The following BTNL9 variants were observed in gnomAD, a reference collection of about 807,000 sequenced individuals.
The protein encoded by BTNL9 is butyrophilin like 9, also known as butyrophilin-like protein 9.
BTNL9 carries 45 observed loss-of-function variants against 45.8 expected under a neutral mutation model. That is an observed-to-expected ratio of 0.98 (90% confidence interval 0.77 to 1.26). The LOEUF (loss-of-function observed/expected upper bound fraction) is 1.26, where lower values mean the gene tolerates loss of function less well. BTNL9 is among the 50% of genes most tolerant of loss of function. The pLI is 0.00. For synonymous variants in BTNL9, 346 were observed against 330.8 expected, an observed-to-expected ratio of 1.05 and a Z score of -0.50; for missense variants, 784 against 729.7, an observed-to-expected ratio of 1.07 and a Z score of -0.86.
chr5:181,055,310 A>G lies in BTNL9; in HGVS notation c.908-123A>G. 6.4e-7 allele frequency: 1 copy of G among 1,570,710 alleles called. No individual in the cohort carries two copies. ...GGGGCAAAGAGGAAGCTGTAAAAAA[A>G]AAAAAATGAAGCTGTGATTAGCAGT... is the stretch of plus-strand genomic sequence containing the variant. On this transcript the variant is annotated intron_variant, in intron 7 of 10. Transcript: ENST00000327705. This position sits in a 1 kb window ranked among gnomAD's most constrained non-coding sequence, Gnocchi z 4.4.
chr5:181,054,128 T>G, intron 6 of BTNL9, 111 bp from the exon 7 acceptor site: 2 of 1,564,958 alleles, frequency 1.3e-6, no homozygotes, highest in South Asian at 2.3e-5. Context: ...CGGGTGGGAG[T>G]GCCGCATCGG....
At chr5:181,048,801 TTATA>T (rs869116493) in intron 3 of BTNL9, among the ~76,000 whole-genome samples, 4 of 34,956 alleles carry the variant, frequency 1.1e-4, no homozygotes, top group Admixed American at 2.7e-4. Flanking sequence ...TAGTTATATA[TTATA>T]TAATTATATT....
In BTNL9 at chr5:181,053,775, A is replaced by T; in HGVS notation, c.886+274A>T. 2 of 1,522,946 alleles carry T rather than the reference A, an allele frequency of 1.3e-6. No individual in the cohort carries two copies. The highest frequency in any genetic ancestry group is 2.4e-5 in the South Asian group (2 of 82,454). The allele number at this position is 1,522,946 out of a possible 1,614,324, so 94.3% of individuals were successfully genotyped here. A position where few individuals can be genotyped will look rare whatever the true frequency, so the allele number is the denominator to read the frequency against. ...CGTTACGCCCTCGGAGCTTCACATCACACTGTACAGAGGGAGCGGTGACCA... is the reference window on the plus strand; with the variant it reads ...CGTTACGCCCTCGGAGCTTCACATCTCACTGTACAGAGGGAGCGGTGACCA... On this transcript the variant is annotated intron_variant, in intron 6 of 10. Transcript: ENST00000327705. This position sits in a 1 kb window ranked among gnomAD's most constrained non-coding sequence, Gnocchi z 6.5.
chr5:181,057,675 C>A (rs1761952241), intron 9 of BTNL9, among the ~76,000 whole-genome samples: 1 of 152,166 alleles, frequency 6.6e-6, no homozygotes, highest in African/African-American at 2.4e-5. Flanking sequence ...CATAGGATTA[C>A]TTTGAACTTA....
At chr5:181,045,675 T>C (rs1761074453) in intron 2 of BTNL9, 77 bp downstream of exon 2, 1 of 1,174,804 alleles carries the variant, frequency 8.5e-7, no homozygotes, top group Middle Eastern at 1.9e-4. Flanking sequence ...GCTACGATCT[T>C]AGCACAGTAC....
In BTNL9 at chr5:181,047,985, G is replaced by A. The variant is rs559133633; in HGVS notation, c.168G>A (p.Glu56=). 5.6e-6 allele frequency: 9 copies of A among 1,613,894 alleles called. No homozygotes were observed. In the South Asian group the frequency reaches 9.9e-5, roughly 18 times the overall value. Residue 56 remains glutamate (E), a synonymous_variant, in exon 3 of 11, where the codon GAG becomes GAA. Transcript: ENST00000327705. ...PILALVGEEV[E]FPCHLWPQLD... ...TGGCCCTCGTCGGGGAGGAGGTGGA[G>A]TTCCCGTGCCACCTATGGCCACAGC...
intron 9 of BTNL9, chr5:181,056,705 T>C: frequency 1.5e-6 from 1 of 687,892 alleles, no homozygotes; most frequent in Non-Finnish European, 2.7e-6. Context: ...GGTGGGTATG[T>C]CCACTAAGGG....
At chr5:181,054,787 A>G (rs1361549687) in intron 7 of BTNL9, 19 of 985,286 alleles carry the variant, frequency 1.9e-5, no homozygotes, top group African/African-American at 3.5e-5. Flanking sequence ...AGGTTGGGAA[A>G]GCTTGTCTGG....
intron 3 of BTNL9, among the ~76,000 whole-genome samples, chr5:181,049,502 T>C (rs1361685573): frequency 2.6e-5 from 4 of 152,148 alleles, no homozygotes; most frequent in Non-Finnish European, 4.4e-5. Flanking sequence ...AGGAGAAACA[T>C]TGCAAAAGGG....
At chr5:181,054,840 C>G in intron 7 of BTNL9, 1 of 985,386 alleles carries the variant, frequency 1.0e-6, no homozygotes, top group Non-Finnish European at 1.2e-6. Flanking sequence ...AAACATAGCC[C>G]TAATAAGTCA....
intron 2 of BTNL9, chr5:181,047,533 T>C: frequency 1.0e-6 from 1 of 987,578 alleles, no homozygotes; most frequent in Non-Finnish European, 1.2e-6. Flanking sequence ...TCTCTGCACA[T>C]TTATGCAAAT....
intron 3 of BTNL9, among the ~76,000 whole-genome samples, 189 bp from the exon 4 acceptor site, chr5:181,049,899 A>T (rs1761438611): frequency 6.6e-6 from 1 of 152,212 alleles, no homozygotes; most frequent in South Asian, 2.1e-4. Flanking sequence ...TACTGTCCCC[A>T]CATGCTACCA....
intron 10 of BTNL9, 41 bp downstream of exon 10, chr5:181,058,419 C>G (rs559055627): frequency 1.4e-5 from 22 of 1,613,682 alleles, no homozygotes; most frequent in Non-Finnish European, 1.6e-5. Context: ...TTGGTTTGGC[C>G]GGATCTTAAA....
chr5:181,043,206 G>C (rs1435924737), intron 1 of BTNL9, among the ~76,000 whole-genome samples: 1 of 151,598 alleles, frequency 6.6e-6, no homozygotes, highest in African/African-American at 2.4e-5. Context: ...GTATGTGTCT[G>C]TGTGTGTGCA....
At chr5:181,048,633 G>C (rs1031264853) in intron 3 of BTNL9, among the ~76,000 whole-genome samples, 3 of 150,618 alleles carry the variant, frequency 2.0e-5, no homozygotes, top group Non-Finnish European at 2.9e-5. Context: ...AGCTACTCAG[G>C]GGGGTGAGGT....
intron 6 of BTNL9, chr5:181,054,009 G>A (rs1467060667): frequency 6.5e-7 from 1 of 1,539,364 alleles, no homozygotes; most frequent in East Asian, 2.4e-5. Flanking sequence ...CTAGCAGGAG[G>A]GAGGGCGCTG....
chr5:181,059,168 C>A, intron 10 of BTNL9, 69 bp from the exon 11 acceptor site: 7 of 1,412,278 alleles, frequency 5.0e-6, no homozygotes, highest in African/African-American at 1.5e-5. Flanking sequence ...GAGGTTTGTC[C>A]GCCTTGGGGA....
chr5:181,044,616 C>A (rs1760988345), intron 1 of BTNL9, among the ~76,000 whole-genome samples: 1 of 152,214 alleles, frequency 6.6e-6, no homozygotes, highest in Admixed American at 6.5e-5. Context: ...TAAAATCTTG[C>A]AGAACTAAAT....
rs541887791 is a variant in BTNL9 at position 181,045,472 on chromosome 5, C to A, written c.-18C>A. ...ACCCCTTTGTCCCTCTCCAGGTGGC[C>A]CCCACTGCTGACGAGAGATGGTGGA... On this transcript the variant is annotated 5_prime_UTR_variant, in exon 2 of 11. Transcript: ENST00000327705. The A allele has an allele frequency of 4.5e-6, 7 of 1,552,340 alleles. No homozygotes were observed. In the Admixed American group the frequency reaches 8.4e-5, roughly 19 times the overall value.
Sources: allele counts gnomAD v4.1 joint callset (sites outside exome capture counted in the v4.1 genomes callset), GRCh38; gene constraint gnomAD v4.1.1; non-coding constraint Gnocchi (gnomAD v3.1); transcripts MANE v1.5; gene names NCBI Gene and HGNC (gene_info 2026-07-23, HGNC 2026-07-21).